Variants in SMARCA4 observed in about 807,000 individuals in gnomAD.
SMARCA4 encodes the protein SWI/SNF related BAF chromatin remodeling complex subunit ATPase 4, also known as SWI/SNF-related matrix-associated actin-dependent regulator of chromatin subfamily A member 4.
In SMARCA4, 31 loss-of-function variants were observed where a neutral mutation model predicts 193.9. The ratio of observed to expected loss-of-function variants is 0.16; its 90% CI spans 0.12 to 0.22. The LOEUF (loss-of-function observed/expected upper bound fraction) is 0.22, where lower values mean the gene tolerates loss of function less well. Ranked by LOEUF, SMARCA4 falls within the 10% of genes least tolerant of loss-of-function variation. SMARCA4 has a pLI of 1.00. For synonymous variants in SMARCA4, 942 were observed against 933.1 expected (o/e 1.01, Z -0.17); for missense variants, 1,148 against 2,296.0 (o/e 0.50, Z 10.22).
rs1481819938 is a variant in SMARCA4, at chr19:11,039,517, C to A, written c.4171-1790C>A. On this transcript the variant is annotated intron_variant, in intron 29 of 34. Transcript: ENST00000344626. ...GCAGTGTGGCACGTGGGCTACAATT[C>A]CAGCGTGGCCTTCAGTTCTGCACAC... 3 of 1,601,896 alleles carry A rather than the reference C, an allele frequency of 1.9e-6. No individual in the cohort carries two copies. The South Asian group carries it at 3.4e-5, about 18-fold the overall frequency.
intron 11 of SMARCA4, among the ~76,000 whole-genome samples, chr19:10,997,752 C>T (rs1490825963): frequency 6.6e-6 from 1 of 152,184 alleles, no homozygotes; most frequent in Non-Finnish European, 1.5e-5. Flanking sequence ...TAGGCATGAG[C>T]CCCCGCACCT....
intron 1 of SMARCA4, among the ~76,000 whole-genome samples, chr19:10,963,258 A>G (rs896207466): frequency 1.3e-5 from 2 of 151,658 alleles, no homozygotes; most frequent in African/African-American, 4.8e-5. Flanking sequence ...CGGTGGTCCC[A>G]ACTACTCAGG....
chr19:11,035,297 G>A (rs2075203808), intron 29 of SMARCA4, among the ~76,000 whole-genome samples, 165 bp downstream of exon 29: 1 of 152,230 alleles, frequency 6.6e-6, no homozygotes, highest in South Asian at 2.1e-4. Flanking sequence ...GTGGGCCAGG[G>A]ATGGTCAGGT....
intron 6 of SMARCA4, 130 bp downstream of exon 6, chr19:10,988,054 C>T: frequency 1.1e-6 from 1 of 894,442 alleles, no homozygotes; most frequent in Non-Finnish European, 1.8e-6. Context: ...TGGCCTACAC[C>T]TCCTTCCTCA....
chr19:10,966,403 C>T lies in SMARCA4; in HGVS notation c.-32+5229C>T, dbSNP rs187062068. 2.9e-3 allele frequency among the ~76,000 whole-genome samples: 447 copies of T among 152,218 alleles called. 3 individuals are homozygous for T. The highest frequency in any genetic ancestry group is 6.2e-3 in the Admixed American group (94 of 15,282). ...CCCAGGAATCCAAGACCAGCCTGGG[C>T]AGCATGGCGAAACCCCGTCTCTACA... is the stretch of plus-strand genomic sequence containing the variant. On this transcript the variant is annotated intron_variant, in intron 1 of 34. Transcript: ENST00000344626.
rs1228215670 is a variant in SMARCA4 at position 11,030,931 on chromosome 19, G to A, written c.3546+38G>A. 3 of 1,590,676 alleles carry A rather than the reference G, an allele frequency of 1.9e-6. No individual in the cohort carries two copies. Among genetic ancestry groups the A allele is most frequent in the African/African-American group, 2.7e-5 (2 of 74,506 alleles). On this transcript the variant is annotated intron_variant, in intron 25 of 34. Transcript: ENST00000344626. This position sits in a 1 kb window ranked among gnomAD's most constrained non-coding sequence, Gnocchi z 5.5. ...CGGGCCCCAGGTCGAGGAGAAGGAA[G>A]GGGGTGCCTGCAAAACCTCGAGGAG...
chr19:10,987,303 T>G lies in SMARCA4; in HGVS notation c.859+300T>G, dbSNP rs1463540464. Among the ~76,000 whole-genome samples the G allele has an allele frequency of 6.6e-6, 1 of 152,220 alleles. No homozygotes were observed. The highest frequency in any genetic ancestry group is 1.5e-5 in the Non-Finnish European group (1 of 68,024). On this transcript the variant is annotated intron_variant, in intron 5 of 34. Coordinates refer to ENST00000344626, the MANE Select transcript of SMARCA4 (RefSeq NM_003072.5). The surrounding 1 kb of genome is among the most constrained non-coding windows in gnomAD (Gnocchi z 5.3). ...GGGCTCAAAGAGGCAGTGGGACTCA[T>G]TACCCATCCTCTTGGAGCCTGAGGT...
chr19:11,054,360 A>AAGGAGGC (rs2076426290), intron 30 of SMARCA4, among the ~76,000 whole-genome samples: 1 of 152,196 alleles, frequency 6.6e-6, no homozygotes, highest in African/African-American at 2.4e-5. Flanking sequence ...CAGGGACAGC[A>AAGGAGGC]AGGAGGCAGG....
At position 11,034,830 on chromosome 19, in the gene SMARCA4, C is replaced by T; in HGVS notation, c.3952-84C>T. ...GGAGCCCCACGGGCAGAGAAAGGCC[C>T]TTCTGAACTCTCGGTGTTCTGGCTC... On this transcript the variant is annotated intron_variant, in intron 28 of 34. Transcript: ENST00000344626. This position sits in a 1 kb window ranked among gnomAD's most constrained non-coding sequence, Gnocchi z 7.0. The T allele has an allele frequency of 3.3e-6, 3 of 896,236 alleles. No individual in the cohort carries two copies. The highest frequency in any genetic ancestry group is 1.6e-5 in the African/African-American group (1 of 60,862). 55.5% of individuals were successfully genotyped at this position (896,236 alleles called of 1,614,324 possible). A position where few individuals can be genotyped will look rare whatever the true frequency, so the allele number is the denominator to read the frequency against.
chr19:10,988,578 G>T (rs2086271786), intron 6 of SMARCA4, among the ~76,000 whole-genome samples: 1 of 152,114 alleles, frequency 6.6e-6, no homozygotes, highest in African/African-American at 2.4e-5. Flanking sequence ...AGTTAGACTT[G>T]TTCCTGCCCC....
chr19:11,007,244 A>G (rs562913777), intron 13 of SMARCA4, among the ~76,000 whole-genome samples: 33 of 152,260 alleles, frequency 2.2e-4, no homozygotes, highest in Non-Finnish European at 4.0e-4. Flanking sequence ...AGCCTGGCCA[A>G]CATAGTGAAA....
In SMARCA4 at chr19:11,062,203, G is replaced by C. The variant is rs929778082; in HGVS notation, c.*387G>C. On this transcript the variant is annotated 3_prime_UTR_variant, in exon 35 of 35. Transcript: ENST00000344626. ...GTATTTTATTGGACAGGTCAGACTC[G>C]CCGGGGGCCCGGCGAGGGTATGTCA... 1.3e-5 allele frequency: 4 copies of C among 314,484 alleles called. No homozygotes were observed. The highest frequency in any genetic ancestry group is 2.4e-5 in the Non-Finnish European group (4 of 167,160). The allele number at this position is 314,484 out of a possible 1,614,324, so 19.5% of individuals were successfully genotyped here. A position where few individuals can be genotyped will look rare whatever the true frequency, so the allele number is the denominator to read the frequency against.
intron 22 of SMARCA4, 27 bp downstream of exon 22, chr19:11,025,535 C>A: frequency 1.3e-6 from 2 of 1,569,170 alleles, no homozygotes; most frequent in South Asian, 2.2e-5. Context: ...TGGGACGGCT[C>A]AGGCCCTGCT....
chr19:11,038,892 A>G (rs1399694288), intron 29 of SMARCA4, among the ~76,000 whole-genome samples: 2 of 152,228 alleles, frequency 1.3e-5, no homozygotes, highest in East Asian at 1.9e-4. Flanking sequence ...AAACAATGTC[A>G]GTTGTCAATA....
intron 30 of SMARCA4, among the ~76,000 whole-genome samples, chr19:11,042,703 A>G (rs980729071): frequency 2.6e-5 from 4 of 152,220 alleles, no homozygotes; most frequent in African/African-American, 7.2e-5. Context: ...ATTACCGCGC[A>G]AGGCCAGCTG....
chr19:11,057,369 G>A (rs2076604057), intron 30 of SMARCA4, among the ~76,000 whole-genome samples: 1 of 152,204 alleles, frequency 6.6e-6, no homozygotes, highest in South Asian at 2.1e-4. Flanking sequence ...TGTACCGAGT[G>A]CACAAGGGCG....
chr19:10,970,067 A>G (rs1033971231), intron 1 of SMARCA4, among the ~76,000 whole-genome samples: 2 of 152,134 alleles, frequency 1.3e-5, no homozygotes, highest in Non-Finnish European at 2.9e-5. Context: ...AAAATTCATA[A>G]TGAGCCCCTT....
At position 10,987,008 on chromosome 19, in the gene SMARCA4, G is replaced by A. The variant is rs367781236; in HGVS notation, c.859+5G>A. 32 of 1,597,692 alleles carry A rather than the reference G, an allele frequency of 2.0e-5. No homozygotes were observed. The highest frequency in any genetic ancestry group is 5.0e-5 in the Admixed American group (3 of 59,984). ...CTCCCAAGCCCTGGCCTGAAGGTGA[G>A]CTCCCTCTTCTATGGTGGTGCACCC... On this transcript the variant is annotated splice_donor_5th_base_variant and intron_variant, in intron 5 of 34. Coordinates refer to ENST00000344626, the MANE Select transcript of SMARCA4 (RefSeq NM_003072.5). This position sits in a 1 kb window ranked among gnomAD's most constrained non-coding sequence, Gnocchi z 5.3.
chr19:11,038,402 C>T (rs191717766), intron 29 of SMARCA4, among the ~76,000 whole-genome samples: 5 of 152,316 alleles, frequency 3.3e-5, no homozygotes, highest in East Asian at 1.9e-4. Flanking sequence ...GGGGGGCACC[C>T]GCCGCTCCGC....
Sources: gnomAD v4.1 joint callset for allele counts (sites outside exome capture counted in the v4.1 genomes callset) on GRCh38, gnomAD v4.1.1 for gene constraint, Gnocchi (gnomAD v3.1) non-coding constraint, MANE v1.5 for transcripts, NCBI Gene and HGNC (gene_info 2026-07-23, HGNC 2026-07-21) for gene names.